GCNT1: variants seen among roughly 807,000 people sequenced by gnomAD.
GCNT1 encodes the protein beta-1,3-galactosyl-O-glycosyl-glycoprotein beta-1,6-N-acetylglucosaminyltransferase.
GCNT1 carries 16 observed loss-of-function variants against 26.2 expected under a neutral mutation model. The ratio of observed to expected loss-of-function variants is 0.61; its 90% CI spans 0.41 to 0.93. GCNT1 has a LOEUF of 0.93. Ranked by LOEUF, GCNT1 falls within the 40% of genes least tolerant of loss-of-function variation. GCNT1 has a pLI of 0.00. For synonymous variants in GCNT1, 183 were observed against 190.8 expected (o/e 0.96, Z 0.34); for missense variants, 477 against 526.7 (o/e 0.91, Z 0.92).
In GCNT1 at chr9:76,476,306, AC is replaced by A. The variant is rs367816817; in HGVS notation, c.-290+16132del. Among the ~76,000 whole-genome samples the A allele has an allele frequency of 5.3e-4, 81 of 152,292 alleles. No individual in the cohort carries two copies. The East Asian group carries it at 0.015, about 29-fold the overall frequency. On this transcript the variant is annotated intron_variant, in intron 2 of 3. Coordinates refer to ENST00000376730, the MANE Select transcript of GCNT1 (RefSeq NM_001490.5). Reference sequence around the variant, plus strand: ...AGGATGGGTGACCTCAGGGCCAAAAACCCAGGGCCACCTAATCTTTAAGAGG... The same window carrying A: ...AGGATGGGTGACCTCAGGGCCAAAAACCAGGGCCACCTAATCTTTAAGAGG...
intron 2 of GCNT1, among the ~76,000 whole-genome samples, chr9:76,481,186 A>G (rs1824412527): frequency 5.9e-5 from 9 of 152,170 alleles, no homozygotes. Context: ...AGCCTGGGCA[A>G]CAGAGCAAGA....
At chr9:76,410,208 G>C in the GCNT1 span, among the ~76,000 whole-genome samples, 1 of 152,094 alleles carries the variant, frequency 6.6e-6, no homozygotes, top group Non-Finnish European at 1.5e-5. Flanking sequence ...GAGGTGGGTG[G>C]ATCACCAGAG....
rs143400043 is a variant in GCNT1 at position 76,487,201 on chromosome 9, C to A, written c.-289-13715C>A. The stretch of plus-strand genomic sequence containing the variant: ...ACTCCACCCTGAATGGCAAGGCCTT[C>A]GCCTTGTGATCTTACCTGTTTCCTG... On this transcript the variant is annotated intron_variant, in intron 2 of 3. Coordinates refer to ENST00000376730, the MANE Select transcript of GCNT1 (RefSeq NM_001490.5). Among the ~76,000 whole-genome samples, 175 of 152,332 alleles carry A rather than the reference C, an allele frequency of 1.1e-3. 1 individual carries two copies. Among genetic ancestry groups the A allele is most frequent in the African/African-American group, 3.1e-3 (129 of 41,572 alleles).
chr9:76,445,535 G>A (rs1823561557), intron 1 of GCNT1, among the ~76,000 whole-genome samples: 2 of 151,896 alleles, frequency 1.3e-5, no homozygotes, highest in Non-Finnish European at 2.9e-5. Flanking sequence ...TTACAGTCAT[G>A]TACCACCAAG....
chr9:76,413,655 T>TTTTTTTTTTTTG, the GCNT1 span, among the ~76,000 whole-genome samples: 5 of 9,692 alleles, frequency 5.2e-4, no homozygotes, highest in Non-Finnish European at 1.3e-3. Flanking sequence ...TTTGTTTTGT[T>TTTTTTTTTTTTG]TTTTTTTTTT....
intron 2 of GCNT1, among the ~76,000 whole-genome samples, chr9:76,475,252 G>A (rs577641615): frequency 6.6e-6 from 1 of 152,272 alleles, no homozygotes; most frequent in Non-Finnish European, 1.5e-5. Flanking sequence ...AAAGATTGCC[G>A]CTCAGGTTTA....
intron 2 of GCNT1, among the ~76,000 whole-genome samples, chr9:76,481,352 G>A (rs1187635528): frequency 2.0e-5 from 3 of 151,548 alleles, no homozygotes; most frequent in Admixed American, 1.3e-4. Flanking sequence ...TGCCAAGGAT[G>A]GCTTTGAATT....
chr9:76,445,457 G>A (rs1045877533), intron 1 of GCNT1, among the ~76,000 whole-genome samples: 33 of 151,690 alleles, frequency 2.2e-4, no homozygotes, highest in Non-Finnish European at 2.9e-5. Flanking sequence ...GCTCAGTCTC[G>A]GCTCACTGCA....
At chr9:76,430,480 C>T (rs940042060) in intron 1 of GCNT1, among the ~76,000 whole-genome samples, 4 of 151,868 alleles carry the variant, frequency 2.6e-5, no homozygotes, top group African/African-American at 9.7e-5. Flanking sequence ...CTCGGGGGCT[C>T]AAGTGATCCT....
At chr9:76,447,618 TTAAC>T (rs1823598173) in intron 1 of GCNT1, among the ~76,000 whole-genome samples, 1 of 152,212 alleles carries the variant, frequency 6.6e-6, no homozygotes, top group African/African-American at 2.4e-5. Context: ...ACCCTATTTC[TTAAC>T]TTTTTTATAG....
chr9:76,498,790 A>AG lies in GCNT1; in HGVS notation c.-289-2125dup, dbSNP rs140703722. On this transcript the variant is annotated intron_variant, in intron 2 of 3. Transcript: ENST00000376730. ...TTCCAGCTCAAAAAAAAAAAAAAAA[A>AG]GAAAAAAAGTGTATACACACACACT... is the stretch of plus-strand genomic sequence containing the variant. 7.2e-3 allele frequency among the ~76,000 whole-genome samples: 1,082 copies of AG among 150,704 alleles called. 14 individuals carry two copies. The highest frequency in any genetic ancestry group is 0.024 in the African/African-American group (956 of 40,370).
intron 2 of GCNT1, among the ~76,000 whole-genome samples, chr9:76,493,512 CAG>C (rs1824809216): frequency 6.6e-6 from 1 of 152,170 alleles, no homozygotes; most frequent in South Asian, 2.1e-4. Flanking sequence ...TGCTTTAAGT[CAG>C]AGAGGGAGAA....
chr9:76,453,177 C>A (rs138858309), intron 1 of GCNT1, among the ~76,000 whole-genome samples: 21 of 152,238 alleles, frequency 1.4e-4, no homozygotes, highest in Middle Eastern at 3.4e-3. Flanking sequence ...CACAGGAGAT[C>A]CCTGCTTCAC....
chr9:76,397,004 G>A, the GCNT1 span, among the ~76,000 whole-genome samples: 172 of 149,056 alleles, frequency 1.2e-3, no homozygotes, highest in Middle Eastern at 0.019. Context: ...TAAATAGGCC[G>A]GGCGCAGTGG....
At chr9:76,420,117 T>C (rs1258245397) in intron 1 of GCNT1, 1 of 152,248 alleles carries the variant, frequency 6.6e-6, no homozygotes, top group Non-Finnish European at 1.5e-5. Context: ...AGAAATTGCT[T>C]AGGACTTCAA....
At position 76,447,487 on chromosome 9, in the gene GCNT1, G is replaced by A. The variant is rs553572643; in HGVS notation, c.-290+5172G>A. 3.4e-3 allele frequency among the ~76,000 whole-genome samples: 516 copies of A among 151,966 alleles called. 3 individuals are homozygous for A. The highest frequency in any genetic ancestry group is 0.012 in the African/African-American group (483 of 41,470). On this transcript the variant is annotated intron_variant, in intron 1 of 2. Coordinates refer to the GCNT1 transcript ENST00000442371. ...CTTAAACTCCTGGGCTTAAGCGATCGGGCTGCCTCAGCCTCCCAAAGTGCT... is the reference window on the plus strand; with the variant it reads ...CTTAAACTCCTGGGCTTAAGCGATCAGGCTGCCTCAGCCTCCCAAAGTGCT...
chr9:76,482,308 C>T (rs1043191108), intron 2 of GCNT1, among the ~76,000 whole-genome samples: 3 of 151,790 alleles, frequency 2.0e-5, no homozygotes, highest in African/African-American at 7.3e-5. Context: ...ATAAAATTTT[C>T]TAGTAGCAGC....
upstream of GCNT1, among the ~76,000 whole-genome samples, chr9:76,438,812 A>C (rs553688532): frequency 1.8e-3 from 279 of 152,202 alleles, 4 homozygotes; most frequent in Middle Eastern, 6.8e-3. Flanking sequence ...AAAAAAAAAA[A>C]AACTCATAAT....
chr9:76,477,886 T>C (rs1462013409), intron 2 of GCNT1, among the ~76,000 whole-genome samples: 1 of 152,216 alleles, frequency 6.6e-6, no homozygotes, highest in Non-Finnish European at 1.5e-5. Context: ...TAGTGAGAGG[T>C]GAAGCCAGCT....
Sources: gnomAD v4.1 joint callset for allele counts (sites outside exome capture counted in the v4.1 genomes callset) on GRCh38, gnomAD v4.1.1 for gene constraint, MANE v1.5 for transcripts, NCBI Gene and HGNC (gene_info 2026-07-23, HGNC 2026-07-21) for gene names.